Variants in CUBN observed in about 807,000 individuals in gnomAD.
CUBN encodes the protein 460 kDa receptor.
In CUBN, 282 loss-of-function variants were observed where a neutral mutation model predicts 405.3. That is an observed-to-expected ratio of 0.70 (90% CI 0.63 to 0.77). The LOEUF is 0.77. CUBN is among the 30% of genes least tolerant of loss of function. CUBN has a pLI of 0.00. For missense variants in CUBN, 4,514 were observed against 4,475.2 expected, an observed-to-expected ratio of 1.01 and a Z score of -0.25; for synonymous variants, 1,684 against 1,617.0, an observed-to-expected ratio of 1.04 and a Z score of -0.99.
chr10:16,996,899 T>C (rs1314854544), intron 28 of CUBN, among the ~76,000 whole-genome samples: 1 of 152,212 alleles, frequency 6.6e-6, no homozygotes, highest in Admixed American at 6.5e-5. Flanking sequence ...TATCCCTTCA[T>C]TCCTAAAGGA....
rs1335534971 is a variant in CUBN, at chr10:16,905,373, G to A, written c.7912+830C>T. Among the ~76,000 whole-genome samples the A allele has an allele frequency of 1.2e-4, 18 of 152,136 alleles. No homozygotes were observed. In the East Asian group the frequency reaches 1.7e-3, roughly 15 times the overall value. On this transcript the variant is annotated intron_variant, in intron 50 of 66. Coordinates refer to ENST00000377833, the MANE Select transcript of CUBN (RefSeq NM_001081.4). Reference sequence around the variant, plus strand: ...AGAATTATGGTTTATTGAGTACACCGCAATCCTTTTCCATCACGAAAACCA... The same window carrying A: ...AGAATTATGGTTTATTGAGTACACCACAATCCTTTTCCATCACGAAAACCA...
chr10:16,940,638 T>C (rs1842627615), intron 36 of CUBN, among the ~76,000 whole-genome samples: 1 of 152,164 alleles, frequency 6.6e-6, no homozygotes, highest in Non-Finnish European at 1.5e-5. Context: ...AATATACATG[T>C]GAGCTGGATG....
intron 59 of CUBN, among the ~76,000 whole-genome samples, chr10:16,864,347 C>T (rs895133086): frequency 2.0e-4 from 30 of 152,198 alleles, no homozygotes; most frequent in African/African-American, 6.5e-4. Context: ...TTGATCCCTG[C>T]CCACCCCACC....
chr10:17,128,507 T>C (rs1399345183), intron 2 of CUBN, among the ~76,000 whole-genome samples: 2 of 152,200 alleles, frequency 1.3e-5, no homozygotes, highest in African/African-American at 4.8e-5. Context: ...TTCTGTTCTG[T>C]GGCAAAAGCA....
chr10:16,940,100 G>A lies in CUBN; in HGVS notation c.5480C>T (p.Thr1827Ile), dbSNP rs563288061. The A allele has an allele frequency of 6.2e-7, 1 of 1,614,162 alleles. No homozygotes were observed. Among genetic ancestry groups the A allele is most frequent in the Non-Finnish European group, 8.5e-7 (1 of 1,179,992 alleles). ...PLNYSSIVGHTLWVRFISDGS... is the reference protein window; with the variant it reads ...PLNYSSIVGHILWVRFISDGS... ...ATCTGAGATAAATCTGACCCACAGG[G>A]TATGTCCAACGATGGAAGAATAATT... The change falls in exon 37 of 67, where the codon ACC becomes ATC. Residue 1827 changes from threonine (T) to isoleucine (I), a missense_variant. By Grantham distance (89) the Thr-to-Ile change is moderately conservative (BLOSUM62 -1). Transcript: ENST00000377833.
At position 16,939,036 on chromosome 10, in the gene CUBN, G is replaced by A. The variant is rs781159315; in HGVS notation, c.5660C>T (p.Ser1887Phe). The A allele has an allele frequency of 5.0e-6, 8 of 1,613,774 alleles. 1 individual carries two copies. The highest frequency in any genetic ancestry group is 1.6e-4 in the Middle Eastern group (1 of 6,062). ...NYQWTVNVNA[S>F]HVVHGRILEM... ...CAAGATTCTACCATGGACAACGTGAGATGCATTCACATTTACTGTCCATTG... is the reference window on the plus strand; with the variant it reads ...CAAGATTCTACCATGGACAACGTGAAATGCATTCACATTTACTGTCCATTG... Residue 1887 changes from serine to phenylalanine, a missense_variant, in exon 38 of 67, where the codon TCT (serine) becomes TTT (phenylalanine). Physicochemically the swap from Ser to Phe is radical, Grantham distance 155. Around this residue, in one of 5 missense-constraint regions of CUBN, gnomAD observed 1,613 missense variants for 1,542.8 expected, o/e 1.05. Transcript: ENST00000377833.
chr10:16,900,098 T>C lies in CUBN; in HGVS notation c.8410+527A>G, dbSNP rs1009833528. On this transcript the variant is annotated intron_variant, in intron 53 of 66. Coordinates refer to ENST00000377833, the MANE Select transcript of CUBN (RefSeq NM_001081.4). ...CATTTGTTCTAAATTACAAATCTCA[T>C]CTTGTCACCTTCGTTTTCAAAACTC... 5.3e-5 allele frequency among the ~76,000 whole-genome samples: 8 copies of C among 152,250 alleles called. No individual in the cohort carries two copies. The South Asian group carries it at 1.2e-3, about 24-fold the overall frequency.
intron 59 of CUBN, among the ~76,000 whole-genome samples, chr10:16,868,099 CT>C (rs1840239065): frequency 6.6e-6 from 1 of 152,142 alleles, no homozygotes; most frequent in African/African-American, 2.4e-5. Context: ...AGCCTTCTGG[CT>C]TTTGTATGCT....
intron 14 of CUBN, among the ~76,000 whole-genome samples, chr10:17,089,486 A>T (rs1406834462): frequency 6.6e-6 from 1 of 152,230 alleles, no homozygotes; most frequent in East Asian, 1.9e-4. Flanking sequence ...TCTCTTAAAC[A>T]TATGAAAGGA....
At chr10:17,091,075 C>T (rs971507929) in intron 14 of CUBN, among the ~76,000 whole-genome samples, 1 of 152,210 alleles carries the variant, frequency 6.6e-6, no homozygotes, top group East Asian at 1.9e-4. Flanking sequence ...GGTTTTCAGT[C>T]CTGAGGTAAA....
At chr10:17,074,607 A>G (rs1235446377) in intron 17 of CUBN, among the ~76,000 whole-genome samples, 1 of 152,194 alleles carries the variant, frequency 6.6e-6, no homozygotes, top group African/African-American at 2.4e-5. Flanking sequence ...TCTCCTGGAA[A>G]TCTGTCAAGA....
Position 16,881,868 on chromosome 10 carries a change from T to G in CUBN, c.8906-4771A>C, listed in dbSNP as rs540473872. Reference sequence around the variant, plus strand: ...AGACATTAAGTACTTTACACACATATATCATATTCTAAAGTTCTATATATC... The same window carrying G: ...AGACATTAAGTACTTTACACACATAGATCATATTCTAAAGTTCTATATATC... On this transcript the variant is annotated intron_variant, in intron 56 of 66. Transcript: ENST00000377833. Among the ~76,000 whole-genome samples the G allele has an allele frequency of 2.0e-5, 3 of 152,108 alleles. No individual in the cohort carries two copies. The South Asian group carries it at 6.2e-4, about 32-fold the overall frequency.
intron 22 of CUBN, among the ~76,000 whole-genome samples, chr10:17,056,426 C>T (rs1460982098): frequency 6.6e-6 from 1 of 151,932 alleles, no homozygotes; most frequent in Non-Finnish European, 1.5e-5. Flanking sequence ...TTGGCTAACA[C>T]GGTGAAACCC....
chr10:16,874,590 C>T (rs889262184), intron 57 of CUBN, 87 bp from the exon 58 acceptor site: 3 of 1,512,702 alleles, frequency 2.0e-6, no homozygotes, highest in Admixed American at 1.7e-5. Context: ...TACTATTGTA[C>T]ATTTTTCCCT....
chr10:16,995,630 G>A (rs186750734), intron 28 of CUBN, among the ~76,000 whole-genome samples: 7 of 152,056 alleles, frequency 4.6e-5, no homozygotes, highest in South Asian at 4.2e-4. Context: ...ACACCTGGCC[G>A]TGTTTTGTAT....
At chr10:17,050,043 T>C (rs1835227800) in intron 22 of CUBN, among the ~76,000 whole-genome samples, 2 of 152,148 alleles carry the variant, frequency 1.3e-5, no homozygotes, top group South Asian at 2.1e-4. Flanking sequence ...GACTGGTACA[T>C]GCATCTAAGT....
At chr10:16,888,297 GTTAA>G (rs1840880300) in intron 56 of CUBN, 116 bp downstream of exon 56, 10 of 799,516 alleles carry the variant, frequency 1.3e-5, no homozygotes, top group Non-Finnish European at 2.1e-5. Flanking sequence ...GAGCAGACAT[GTTAA>G]TTAACTGGAT....
rs1554806193 is a variant in CUBN at position 16,989,590 on chromosome 10, T to TACACAC, written c.4350+738_4350+743dup. Among the ~76,000 whole-genome samples the TACACAC allele has an allele frequency of 1.9e-4, 28 of 147,316 alleles. 1 individual carries two copies. The East Asian group carries it at 4.9e-3, about 26-fold the overall frequency. ...GCTATATATTTAAAATATATATATA[T>TACACAC]ACACACACACACACATATTCTAATG... is the stretch of plus-strand genomic sequence containing the variant. On this transcript the variant is annotated intron_variant, in intron 29 of 66. Coordinates refer to ENST00000377833, the MANE Select transcript of CUBN (RefSeq NM_001081.4).
At chr10:16,847,838 A>G (rs186426166) in intron 60 of CUBN, among the ~76,000 whole-genome samples, 2 of 152,348 alleles carry the variant, frequency 1.3e-5, no homozygotes, top group African/African-American at 4.8e-5. Context: ...TTGTGTATCT[A>G]CCACAGAGTT....
Sources: allele counts gnomAD v4.1 joint callset (sites outside exome capture counted in the v4.1 genomes callset), GRCh38; gene constraint gnomAD v4.1.1; regional missense constraint gnomAD v4.1.1; transcripts MANE v1.5; gene names NCBI Gene and HGNC (gene_info 2026-07-23, HGNC 2026-07-21).